CFTR: variants seen among roughly 807,000 people sequenced by gnomAD.
CFTR encodes CF transmembrane conductance regulator.
In CFTR, 181 loss-of-function variants were observed where a neutral mutation model predicts 171.6. That is an observed-to-expected ratio of 1.05 (90% CI 0.93 to 1.19). The LOEUF is 1.19. Among genes scored for constraint, CFTR ranks in the 50% most tolerant of loss-of-function variants. The pLI is 0.00. For missense variants in CFTR, 1,968 were observed against 1,734.7 expected, an observed-to-expected ratio of 1.13 and a Z score of -2.39; for synonymous variants, 583 against 608.0, an observed-to-expected ratio of 0.96 and a Z score of 0.60.
intron 11 of CFTR, among the ~76,000 whole-genome samples, chr7:117,585,123 C>T (rs1262879019): frequency 1.3e-5 from 2 of 151,830 alleles, no homozygotes; most frequent in African/African-American, 4.8e-5. Context: ...TCTTTTTGAC[C>T]TTTTAATATA....
At chr7:117,633,057 G>C (rs2116142894) in intron 22 of CFTR, among the ~76,000 whole-genome samples, 2 of 152,204 alleles carry the variant, frequency 1.3e-5, no homozygotes, top group South Asian at 4.2e-4. Flanking sequence ...AAAATAACTG[G>C]CTGGGATTTT....
rs755318192 is a variant in CFTR at position 117,627,787 on chromosome 7, G to C, written c.3717+17G>C. On this transcript the variant is annotated intron_variant, in intron 22 of 26. Coordinates refer to ENST00000003084, the MANE Select transcript of CFTR (RefSeq NM_000492.4). Reference sequence around the variant, plus strand: ...GGCCAGAGGGTGAGATTTGAACACTGCTTGCTTTGTTAGACTGTGTTCAGT... The same window carrying C: ...GGCCAGAGGGTGAGATTTGAACACTCCTTGCTTTGTTAGACTGTGTTCAGT... 6.2e-7 allele frequency: 1 copy of C among 1,607,570 alleles called. No individual in the cohort carries two copies. Among genetic ancestry groups the C allele is most frequent in the Non-Finnish European group, 8.5e-7 (1 of 1,179,006 alleles).
chr7:117,610,425 C>CAA (rs4148715), intron 18 of CFTR, 94 bp from the exon 19 acceptor site: 391 of 958,024 alleles, frequency 4.1e-4, no homozygotes, highest in South Asian at 5.2e-4. Context: ...TTAAAGTATG[C>CAA]AAAAAAAAAA....
At chr7:117,501,776 C>CAAAAAAAAAAAAAAAAAAAAAAAAAAA (rs796991857) in intron 1 of CFTR, among the ~76,000 whole-genome samples, 6 of 84,324 alleles carry the variant, frequency 7.1e-5, no homozygotes, top group Non-Finnish European at 1.4e-4. Flanking sequence ...AAAAAAGAAA[C>CAAAAAAAAAAAAAAAAAAAAAAAAAAA]AAAAAAAAAA....
rs397508724 is a variant in CFTR, at chr7:117,531,097, A to T, written c.472A>T (p.Ser158Cys). ...IGMQMRIAMF[S>C]LIYKKTLKLS... is the part of the protein sequence containing the mutation. The stretch of plus-strand genomic sequence containing the variant: ...AATGCAGATGAGAATAGCTATGTTT[A>T]GTTTGATTTATAAGAAGGTAATACT... Residue 158 changes from serine to cysteine, a missense_variant, in exon 4 of 27, where the codon AGT (serine) becomes TGT (cysteine). Ser to Cys is a moderately radical substitution (Grantham distance 112). Transcript: ENST00000003084. The T allele has an allele frequency of 6.2e-7, 1 of 1,612,846 alleles. No individual in the cohort carries two copies. Among genetic ancestry groups the T allele is most frequent in the East Asian group, 2.2e-5 (1 of 44,852 alleles).
At chr7:117,627,878 G>A (rs574020897) in intron 22 of CFTR, 108 bp downstream of exon 22, 41 of 1,156,718 alleles carry the variant, frequency 3.5e-5, no homozygotes, top group Admixed American at 6.9e-5. Context: ...TTATTGTACA[G>A]TAGAATCAAT....
chr7:117,552,196 A>G (rs768820589), intron 10 of CFTR, among the ~76,000 whole-genome samples: 15 of 152,060 alleles, frequency 9.9e-5, no homozygotes, highest in Non-Finnish European at 2.2e-4. Flanking sequence ...TGGTGTGATC[A>G]TAGCTCACTG....
chr7:117,618,891 T>C (rs1030648910), intron 21 of CFTR, among the ~76,000 whole-genome samples: 1 of 152,210 alleles, frequency 6.6e-6, no homozygotes, highest in Admixed American at 6.5e-5. Context: ...AATTTAATAA[T>C]TCCTATTGGA....
At chr7:117,638,435 T>C (rs1457982795) in intron 22 of CFTR, among the ~76,000 whole-genome samples, 2 of 152,132 alleles carry the variant, frequency 1.3e-5, no homozygotes, top group African/African-American at 4.8e-5. Flanking sequence ...TATGCTTCCT[T>C]AGAATAGGAA....
intron 3 of CFTR, among the ~76,000 whole-genome samples, chr7:117,519,329 T>G (rs1259255779): frequency 6.6e-6 from 1 of 152,096 alleles, no homozygotes; most frequent in Non-Finnish European, 1.5e-5. Flanking sequence ...GCAATTTGTA[T>G]GAGCCCAAAA....
chr7:117,573,080 CA>C (rs1791720237), intron 11 of CFTR, among the ~76,000 whole-genome samples: 1 of 151,756 alleles, frequency 6.6e-6, no homozygotes, highest in African/African-American at 2.4e-5. Flanking sequence ...CTCTTTCTGT[CA>C]ATATAGCAAC....
At chr7:117,631,736 C>G (rs1019207949) in intron 22 of CFTR, among the ~76,000 whole-genome samples, 1 of 152,112 alleles carries the variant, frequency 6.6e-6, no homozygotes, top group African/African-American at 2.4e-5. Flanking sequence ...GAGAGGTATC[C>G]GTTTATAATA....
At chr7:117,612,023 G>GTGTATATATA (rs1323046521) in intron 20 of CFTR, among the ~76,000 whole-genome samples, 13 of 53,228 alleles carry the variant, frequency 2.4e-4, no homozygotes, top group Admixed American at 6.0e-4. Context: ...ATATATATAT[G>GTGTATATATA]TATATATATA....
At chr7:117,522,765 G>C (rs1798703522) in intron 3 of CFTR, among the ~76,000 whole-genome samples, 1 of 151,930 alleles carries the variant, frequency 6.6e-6, no homozygotes. Flanking sequence ...CAGTCATTCT[G>C]GGGATAATTT....
intron 20 of CFTR, among the ~76,000 whole-genome samples, chr7:117,613,896 A>G (rs1792441882): frequency 6.6e-6 from 1 of 151,870 alleles, no homozygotes; most frequent in Non-Finnish European, 1.5e-5. Context: ...TTCTATGGCC[A>G]TAATACTGAA....
intron 1 of CFTR, among the ~76,000 whole-genome samples, chr7:117,486,881 G>A (rs1584767135): frequency 1.4e-5 from 2 of 142,318 alleles, no homozygotes; most frequent in South Asian, 2.6e-4. Flanking sequence ...GGGTGGGGTG[G>A]GGGGGAGGGG....
At chr7:117,636,267 TC>T (rs1024084052) in intron 22 of CFTR, among the ~76,000 whole-genome samples, 1 of 152,220 alleles carries the variant, frequency 6.6e-6, no homozygotes, top group Admixed American at 6.5e-5. Flanking sequence ...AGATGTTTTT[TC>T]CTCTGGCTTC....
chr7:117,647,014 A>G (rs1304779607), intron 23 of CFTR, among the ~76,000 whole-genome samples: 1 of 152,212 alleles, frequency 6.6e-6, no homozygotes, highest in Non-Finnish European at 1.5e-5. Context: ...AAATATATGT[A>G]AATATTACAA....
chr7:117,612,022 T>TA (rs71148369), intron 20 of CFTR, among the ~76,000 whole-genome samples: 1 of 48,380 alleles, frequency 2.1e-5, no homozygotes, highest in African/African-American at 1.2e-4. Flanking sequence ...TATATATATA[T>TA]GTATATATAT....
Sources: gnomAD v4.1 joint callset for allele counts (sites outside exome capture counted in the v4.1 genomes callset) on GRCh38, gnomAD v4.1.1 for gene constraint, MANE v1.5 for transcripts, NCBI Gene and HGNC (gene_info 2026-07-23, HGNC 2026-07-21) for gene names.